EPHA6: variants seen among roughly 807,000 people sequenced by gnomAD.
EPHA6 encodes EPH receptor A6.
Under a neutral mutation model 112.0 loss-of-function variants are expected in EPHA6, and 50 were observed. The ratio of observed to expected loss-of-function variants is 0.45; its 90% confidence interval spans 0.36 to 0.56. The LOEUF is 0.56. Among genes scored for constraint, EPHA6 ranks in the 20% least tolerant of loss-of-function variants. The pLI is 0.00. For missense variants in EPHA6, 1,280 were observed against 1,417.4 expected (o/e 0.90, Z 1.56); for synonymous variants, 529 against 490.7 (o/e 1.08, Z -1.03).
intron 10 of EPHA6, among the ~76,000 whole-genome samples, chr3:97,484,297 G>C (rs1172508579): frequency 6.6e-6 from 1 of 151,930 alleles, no homozygotes; most frequent in Non-Finnish European, 1.5e-5. Flanking sequence ...TTTTATAGTA[G>C]AGATAAATTA....
At chr3:97,402,264 A>G (rs2087038570) in intron 5 of EPHA6, among the ~76,000 whole-genome samples, 1 of 152,010 alleles carries the variant, frequency 6.6e-6, no homozygotes, top group African/African-American at 2.4e-5. Flanking sequence ...TGAAGTCCCC[A>G]ACTGCTGTTG....
intron 12 of EPHA6, among the ~76,000 whole-genome samples, chr3:97,596,906 G>GTA (rs1198437621): frequency 8.6e-5 from 8 of 92,882 alleles, no homozygotes; most frequent in African/African-American, 5.6e-4. Context: ...ATATATATAT[G>GTA]TATGTATATA....
intron 5 of EPHA6, among the ~76,000 whole-genome samples, chr3:97,294,193 C>T (rs1576865590): frequency 6.6e-6 from 1 of 152,178 alleles, no homozygotes; most frequent in East Asian, 1.9e-4. Flanking sequence ...CCTGCTGTGC[C>T]AATTCATAGT....
Position 97,063,796 on chromosome 3 carries a change from C to T in EPHA6, c.1114+75803C>T, listed in dbSNP as rs2046098623. Among the ~76,000 whole-genome samples, 3 of 152,120 alleles carry T rather than the reference C, an allele frequency of 2.0e-5. No individual in the cohort carries two copies. The South Asian group carries it at 6.2e-4, about 32-fold the overall frequency. ...AAACCCTTCATCTTCTAGTGTCTCT[C>T]CAGCGTACACTTCTGACAGAGCTTA... On this transcript the variant is annotated intron_variant, in intron 3 of 17. Transcript: ENST00000389672.
intron 13 of EPHA6, among the ~76,000 whole-genome samples, chr3:97,620,296 A>C (rs2093803113): frequency 6.6e-6 from 1 of 152,088 alleles, no homozygotes; most frequent in African/African-American, 2.4e-5. Context: ...TAAGTGTAAA[A>C]CCTAAAAATA....
intron 5 of EPHA6, among the ~76,000 whole-genome samples, chr3:97,316,408 A>C (rs1392039477): frequency 1.3e-5 from 2 of 151,924 alleles, no homozygotes; most frequent in Non-Finnish European, 2.9e-5. Context: ...AACACCAATC[A>C]AGAAGATGAA....
At chr3:97,677,878 G>A (rs1366361735) in intron 14 of EPHA6, among the ~76,000 whole-genome samples, 2 of 152,036 alleles carry the variant, frequency 1.3e-5, no homozygotes, top group Non-Finnish European at 2.9e-5. Context: ...GGAGTTAAAA[G>A]AACTGTAATT....
intron 10 of EPHA6, among the ~76,000 whole-genome samples, chr3:97,515,632 A>G (rs2092435521): frequency 6.6e-6 from 1 of 152,274 alleles, no homozygotes; most frequent in African/African-American, 2.4e-5. Flanking sequence ...GTAGAGACTG[A>G]TACACTAGGT....
chr3:97,006,476 G>T (rs879407955), intron 3 of EPHA6, among the ~76,000 whole-genome samples: 2 of 151,646 alleles, frequency 1.3e-5, no homozygotes, highest in East Asian at 3.9e-4. Context: ...TTTTTATTGT[G>T]TCCATTTGAT....
At chr3:97,558,030 C>G (rs1312884830) in intron 11 of EPHA6, among the ~76,000 whole-genome samples, 1 of 151,898 alleles carries the variant, frequency 6.6e-6, no homozygotes, top group Non-Finnish European at 1.5e-5. Flanking sequence ...ATGGAGGGTT[C>G]CCTAAGCACA....
chr3:97,247,333 G>T (rs1453354604), intron 5 of EPHA6, among the ~76,000 whole-genome samples: 4 of 151,890 alleles, frequency 2.6e-5, no homozygotes, highest in Non-Finnish European at 4.4e-5. Flanking sequence ...ATGATAGTGA[G>T]CCTTTATGTA....
chr3:97,729,284 A>G (rs2107825529), intron 15 of EPHA6, among the ~76,000 whole-genome samples: 2 of 152,232 alleles, frequency 1.3e-5, no homozygotes, highest in Middle Eastern at 3.4e-3. Flanking sequence ...GAGAAAGTAT[A>G]TTAGTCCATT....
intron 3 of EPHA6, among the ~76,000 whole-genome samples, chr3:97,187,179 A>G (rs1482307630): frequency 1.3e-5 from 2 of 152,136 alleles, no homozygotes; most frequent in Non-Finnish European, 2.9e-5. Flanking sequence ...AATTCTGTAC[A>G]TACAGATTTA....
chr3:97,295,290 G>A (rs2080834806), intron 5 of EPHA6, among the ~76,000 whole-genome samples: 1 of 151,774 alleles, frequency 6.6e-6, no homozygotes, highest in South Asian at 2.1e-4. Flanking sequence ...TTTTTTGTCT[G>A]ACATAGTAAT....
At chr3:97,145,972 A>C (rs1027351065) in intron 3 of EPHA6, among the ~76,000 whole-genome samples, 4 of 151,682 alleles carry the variant, frequency 2.6e-5, no homozygotes, top group African/African-American at 9.6e-5. Context: ...AAATTGGTCC[A>C]TTCTCATGTA....
intron 5 of EPHA6, among the ~76,000 whole-genome samples, chr3:97,266,776 A>ATAAGCTAAAAGGG (rs2079700256): frequency 6.6e-6 from 1 of 151,902 alleles, no homozygotes; most frequent in African/African-American, 2.4e-5. Flanking sequence ...CTAGTAAAGG[A>ATAAGCTAAAAGGG]TGATACTAAT....
intron 2 of EPHA6, among the ~76,000 whole-genome samples, chr3:96,957,032 C>CA (rs60528834): frequency 0.036 from 3,451 of 95,290 alleles, 99 homozygotes; most frequent in African/African-American, 0.086. Context: ...AAACTTGTCT[C>CA]AAAAAAAAAA....
At chr3:96,870,324 A>G (rs1392291461) in intron 2 of EPHA6, among the ~76,000 whole-genome samples, 1 of 152,030 alleles carries the variant, frequency 6.6e-6, no homozygotes, top group Non-Finnish European at 1.5e-5. Flanking sequence ...CTGAAGACCC[A>G]AGAACGAGGA....
At chr3:97,428,287 A>AAATTCATG (rs2089287564) in intron 6 of EPHA6, among the ~76,000 whole-genome samples, 2 of 152,310 alleles carry the variant, frequency 1.3e-5, no homozygotes, top group Non-Finnish European at 2.9e-5. Context: ...ATGATAAACA[A>AAATTCATG]AATTCATGAT....
Sources: gnomAD v4.1 joint callset for allele counts (sites outside exome capture counted in the v4.1 genomes callset) on GRCh38, gnomAD v4.1.1 for gene constraint, MANE v1.5 for transcripts, NCBI Gene and HGNC (gene_info 2026-07-23, HGNC 2026-07-21) for gene names.